Variants in ITGB2 observed in about 807,000 individuals in gnomAD.
The protein encoded by ITGB2 is integrin subunit beta 2, also known as integrin beta-2.
A neutral mutation model predicts 86.8 loss-of-function variants in ITGB2; 56 were observed. The observed-to-expected ratio is 0.65, with a 90% CI of 0.52 to 0.81. The LOEUF (loss-of-function observed/expected upper bound fraction) is 0.81. ITGB2 is among the 30% of genes least tolerant of loss of function. The pLI is 0.00. For missense variants in ITGB2, 948 were observed against 1,061.2 expected (o/e 0.89, Z 1.48); for synonymous variants, 457 against 450.4 (o/e 1.01, Z -0.19).
chr21:44,890,148 C>T lies in ITGB2; in HGVS notation c.1487G>A (p.Ser496Asn). The change falls in exon 12 of 16, where the codon AGC becomes AAC. Residue 496 changes from serine (S) to asparagine (N), a missense_variant. Ser to Asn is a conservative substitution (Grantham distance 46, BLOSUM62 1). Transcript: ENST00000652462. ...QGRSSQELEG[S>N]CRKDNNSIIC... ...GATGGAGTTGTTGTCCTTCCGGCAG[C>T]TTCCTTCCAGCTCCTGGCTGCTCCG... 6.2e-7 allele frequency: 1 copy of T among 1,613,422 alleles called. No individual in the cohort carries two copies. Among genetic ancestry groups the T allele is most frequent in the Non-Finnish European group, 8.5e-7 (1 of 1,180,020 alleles).
At chr21:44,923,485 C>T (rs187298931), upstream of ITGB2, among the ~76,000 whole-genome samples, 6 of 151,972 alleles carry the variant, frequency 3.9e-5, no homozygotes, top group East Asian at 9.7e-4. Context: ...GGGGGAGAGT[C>T]GGGAGAGGTG....
intron 3 of ITGB2, 60 bp downstream of exon 3, chr21:44,910,224 G>T: frequency 1.9e-6 from 3 of 1,587,522 alleles, no homozygotes; most frequent in South Asian, 2.3e-5. Flanking sequence ...GGCTTCAGGG[G>T]CAGGAAAGGG....
chr21:44,898,231 T>C (rs170963), intron 8 of ITGB2, among the ~76,000 whole-genome samples: 112,851 of 152,022 alleles, frequency 0.74, 42,984 homozygotes, highest in African/African-American at 0.93. Context: ...AAGAGCCTCC[T>C]TGGGGACCAT....
chr21:44,917,589 A>G (rs1290213144), intron 1 of ITGB2, among the ~76,000 whole-genome samples: 1 of 152,072 alleles, frequency 6.6e-6, no homozygotes, highest in Non-Finnish European at 1.5e-5. Context: ...GCTTGTTGCC[A>G]CTGTCACTCA....
At position 44,900,447 on chromosome 21, in the gene ITGB2, C is replaced by T. The variant is rs1482665972; in HGVS notation, c.770G>A (p.Arg257Gln). 16 of 1,613,982 alleles carry T rather than the reference C, an allele frequency of 9.9e-6. No homozygotes were observed. Among genetic ancestry groups the T allele is most frequent in the East Asian group, 4.5e-5 (2 of 44,886 alleles). ...PEEIGWRNVT[R>Q]LLVFATDDGF... ...GTCATCAGTGGCAAACACCAGCAGC[C>T]GCGTGACGTTGCGCCAGCCGATTTC... The change falls in exon 7 of 16, where the codon CGG becomes CAG. Residue 257 changes from arginine (R) to glutamine (Q), a missense_variant. By Grantham distance (43) the Arg-to-Gln change is conservative. Transcript: ENST00000652462.
intron 4 of ITGB2, among the ~76,000 whole-genome samples, chr21:44,904,872 ACACT>A (rs962082295): frequency 3.3e-5 from 5 of 152,050 alleles, no homozygotes; most frequent in African/African-American, 9.7e-5. Flanking sequence ...ACACACACAC[ACACT>A]CACCCACATT....
At chr21:44,893,804 T>C (rs2083825078) in intron 9 of ITGB2, 2 of 475,642 alleles carry the variant, frequency 4.2e-6, no homozygotes, top group Admixed American at 2.9e-5. Flanking sequence ...CTTCTGCTGC[T>C]CCTCAGCCTT....
At chr21:44,899,258 G>C in intron 7 of ITGB2, 96 bp from the exon 8 acceptor site, 1 of 937,046 alleles carries the variant, frequency 1.1e-6, no homozygotes, top group South Asian at 1.4e-5. Context: ...AGCCCTGCCC[G>C]TGCTTCGAAC....
intron 1 of ITGB2, among the ~76,000 whole-genome samples, chr21:44,915,530 G>T (rs1601329524): frequency 1.3e-5 from 2 of 152,212 alleles, no homozygotes; most frequent in Non-Finnish European, 2.9e-5. Flanking sequence ...AGGGGACAAG[G>T]TTGGAAGGAA....
At chr21:44,908,088 C>T (rs1478428109) in intron 3 of ITGB2, 1 of 719,226 alleles carries the variant, frequency 1.4e-6, no homozygotes, top group East Asian at 2.7e-5. Context: ...GGCCTGGCCA[C>T]CCTGCTCAGT....
At chr21:44,888,173 CTG>C (rs2083726540) in intron 14 of ITGB2, among the ~76,000 whole-genome samples, 1 of 152,160 alleles carries the variant, frequency 6.6e-6, no homozygotes, top group South Asian at 2.1e-4. Flanking sequence ...ACCAAGGTCA[CTG>C]TGGGGCTGGG....
chr21:44,911,070 CAT>C (rs907933167), intron 1 of ITGB2: 3 of 535,938 alleles, frequency 5.6e-6, no homozygotes, highest in African/African-American at 3.8e-5. Context: ...CACACACACA[CAT>C]GCAGACGTGT....
chr21:44,901,526 C>T lies in ITGB2; in HGVS notation c.707G>A (p.Gly236Glu). Residue 236 changes from glycine to glutamate, a missense_variant, in exon 6 of 16, where the codon GGG (glycine) becomes GAG (glutamate). Physicochemically the swap from Gly to Glu is moderately conservative, Grantham distance 98. Coordinates refer to ENST00000652462, the MANE Select transcript of ITGB2 (RefSeq NM_000211.5). ...GGCGACCTGCATCATGGCGTCCAGC[C>T]CACCCTCGGGTGCATCCAGGTTTCC... ...ISGNLDAPEG[G>E]LDAMMQVAAC... The T allele has an allele frequency of 6.2e-7, 1 of 1,614,238 alleles. No individual in the cohort carries two copies. Among genetic ancestry groups the T allele is most frequent in the South Asian group, 1.1e-5 (1 of 91,088 alleles).
At chr21:44,916,686 A>G (rs548027286) in intron 1 of ITGB2, among the ~76,000 whole-genome samples, 65 of 151,892 alleles carry the variant, frequency 4.3e-4, no homozygotes, top group African/African-American at 1.5e-3. Flanking sequence ...TGAGCAACAT[A>G]GTGAAACCCC....
rs2083931136 is a variant in ITGB2 at position 44,900,243 on chromosome 21, G to C, written c.897+77C>G. The stretch of plus-strand genomic sequence containing the variant: ...TTGGGTCAGAAGGAGGCTCTGTCAG[G>C]TGGAGACCCCACCCTTGTCTCCTCC... On this transcript the variant is annotated intron_variant, in intron 7 of 15. Coordinates refer to ENST00000652462, the MANE Select transcript of ITGB2 (RefSeq NM_000211.5). 5 of 1,578,464 alleles carry C rather than the reference G, an allele frequency of 3.2e-6. No individual in the cohort carries two copies. The East Asian group carries it at 9.0e-5, about 28-fold the overall frequency.
chr21:44,923,382 C>A (rs979131921), upstream of ITGB2, among the ~76,000 whole-genome samples: 2 of 151,872 alleles, frequency 1.3e-5, no homozygotes, highest in African/African-American at 4.8e-5. Context: ...GTTAAAAAGT[C>A]CCCATCTTTT....
At chr21:44,887,309 C>T (rs1162361231) in intron 14 of ITGB2, among the ~76,000 whole-genome samples, 1 of 152,168 alleles carries the variant, frequency 6.6e-6, no homozygotes, top group South Asian at 2.1e-4. Context: ...GATTTGTGGT[C>T]GTCAAGGACA....
At chr21:44,911,845 C>G (rs999448225) in intron 1 of ITGB2, among the ~76,000 whole-genome samples, 4 of 152,170 alleles carry the variant, frequency 2.6e-5, no homozygotes, top group Admixed American at 2.0e-4. Flanking sequence ...CCCCTGGGTT[C>G]CCTTCCCTCC....
chr21:44,910,432 G>T, intron 2 of ITGB2, 60 bp from the exon 3 acceptor site: 1 of 1,612,034 alleles, frequency 6.2e-7, no homozygotes. Flanking sequence ...ACACCCAAGG[G>T]GGAGTAGAGC....
Sources: allele counts gnomAD v4.1 joint callset (sites outside exome capture counted in the v4.1 genomes callset), GRCh38; gene constraint gnomAD v4.1.1; transcripts MANE v1.5; gene names NCBI Gene and HGNC (gene_info 2026-07-23, HGNC 2026-07-21).